The following CDO1 variants were observed in gnomAD, a reference collection of about 807,000 sequenced individuals.
The protein encoded by CDO1 is cysteine dioxygenase, type I.
CDO1 carries 19 observed loss-of-function variants against 24.5 expected under a neutral mutation model. The observed-to-expected ratio is 0.77, with a 90% CI of 0.54 to 1.14. CDO1 has a LOEUF of 1.14. Among genes scored for constraint, CDO1 ranks in the 50% most tolerant of loss-of-function variants. The pLI, the probability that CDO1 is intolerant of heterozygous loss-of-function variation, is 0.00. For missense variants in CDO1, 244 were observed against 244.8 expected (o/e 1.00, Z 0.02); for synonymous variants, 91 against 87.0 (o/e 1.05, Z -0.26).
chr5:115,816,513 A>G lies in CDO1; in HGVS notation c.-116T>C, dbSNP rs1299827750. The G allele has an allele frequency of 9.0e-7, 1 of 1,113,278 alleles. No homozygotes were observed. Among genetic ancestry groups the G allele is most frequent in the Non-Finnish European group, 1.3e-6 (1 of 761,158 alleles). 69.0% of individuals were successfully genotyped at this position (1,113,278 alleles called of 1,614,324 possible). ...CAGCCCGCTAGACCGCTAAGCAGAC[A>G]CACACGCACAAACCCAGCATTAGAG... On this transcript the variant is annotated 5_prime_UTR_variant, in exon 1 of 5. Coordinates refer to ENST00000250535, the MANE Select transcript of CDO1 (RefSeq NM_001801.3).
chr5:115,813,413 C>G (rs1003390806), intron 1 of CDO1, among the ~76,000 whole-genome samples, 155 bp from the exon 2 acceptor site: 1 of 152,148 alleles, frequency 6.6e-6, no homozygotes, highest in African/African-American at 2.4e-5. Flanking sequence ...AAATCCAACA[C>G]AAATGAAAAA....
At position 115,816,259 on chromosome 5, in the gene CDO1, A is replaced by T. The variant is rs1760438834; in HGVS notation, c.139T>A (p.Trp47Arg). Reference protein sequence around the residue: ...MEAYESDPTEWAMYAKFDQYR... With the variant: ...MEAYESDPTERAMYAKFDQYR... ...TGGTCGAACTTGGCGTACATTGCCCACTCGGTGGGGTCGCTCTCGTAGGCT... is the reference window on the plus strand; with the variant it reads ...TGGTCGAACTTGGCGTACATTGCCCTCTCGGTGGGGTCGCTCTCGTAGGCT... Residue 47 changes from tryptophan (W) to arginine (R), a missense_variant, in exon 1 of 5, where the codon TGG becomes AGG. Physicochemically the swap from Trp to Arg is moderately radical, Grantham distance 101 (BLOSUM62 -3). Transcript: ENST00000250535. 1 of 1,613,272 alleles carries T rather than the reference A, an allele frequency of 6.2e-7. No individual in the cohort carries two copies. The highest frequency in any genetic ancestry group is 8.5e-7 in the Non-Finnish European group (1 of 1,179,760).
intron 3 of CDO1, among the ~76,000 whole-genome samples, chr5:115,806,989 G>A (rs1358892445): frequency 1.3e-5 from 2 of 152,190 alleles, no homozygotes; most frequent in Admixed American, 6.5e-5. Flanking sequence ...GCTTGTTTAT[G>A]AAGTAGAGTC....
Position 115,805,395 on chromosome 5 carries a change from C to T in CDO1, c.*38G>A, listed in dbSNP as rs1250556620. Reference sequence around the variant, plus strand: ...CTTTTTGTCCAAGGCAAACATACAGCGAACCTTAAAGTAAAACCTCAGAGG... The same window carrying T: ...CTTTTTGTCCAAGGCAAACATACAGTGAACCTTAAAGTAAAACCTCAGAGG... On this transcript the variant is annotated 3_prime_UTR_variant, in exon 5 of 5. Transcript: ENST00000250535. 63 of 1,600,654 alleles carry T rather than the reference C, an allele frequency of 3.9e-5. No homozygotes were observed. The highest frequency in any genetic ancestry group is 5.0e-5 in the Non-Finnish European group (59 of 1,170,564).
rs200935045 is a variant in CDO1, at chr5:115,806,452, T to C, written c.470A>G (p.Tyr157Cys). The C allele has an allele frequency of 3.1e-6, 5 of 1,612,148 alleles. No individual in the cohort carries two copies. Among genetic ancestry groups the C allele is most frequent in the Non-Finnish European group, 4.2e-6 (5 of 1,179,282 alleles). The change falls in exon 4 of 5, where the codon TAC becomes TGC. Residue 157 changes from tyrosine (Y) to cysteine (C), a missense_variant. Coordinates refer to ENST00000250535, the MANE Select transcript of CDO1 (RefSeq NM_001801.3). The stretch of plus-strand genomic sequence containing the variant: ...ATGGCATGTATCAAAAGGTGGACTG[T>C]ACAAGTGAAGGCTCACAGCAGGTTC... ...HTEPAVSLHL[Y>C]SPPFDTCHAF...
intron 1 of CDO1, chr5:115,813,802 A>G (rs1332881295): frequency 6.5e-6 from 1 of 153,304 alleles, no homozygotes; most frequent in Non-Finnish European, 1.5e-5. Flanking sequence ...CTACCAGAAC[A>G]AAGAAGACTA....
Position 115,806,346 on chromosome 5 carries a change from C to A in CDO1, c.573+3G>T. 1 of 1,597,274 alleles carries A rather than the reference C, an allele frequency of 6.3e-7. No homozygotes were observed. Among genetic ancestry groups the A allele is most frequent in the South Asian group, 1.1e-5 (1 of 87,936 alleles). Reference sequence around the variant, plus strand: ...ATTTAAACCTAGAAGAAATTATACTCACATTTGGAGTTCTGATTCCAAATT... The same window carrying A: ...ATTTAAACCTAGAAGAAATTATACTAACATTTGGAGTTCTGATTCCAAATT... On this transcript the variant is annotated splice_donor_region_variant and intron_variant, in intron 4 of 4. Coordinates refer to ENST00000250535, the MANE Select transcript of CDO1 (RefSeq NM_001801.3).
intron 3 of CDO1, among the ~76,000 whole-genome samples, chr5:115,807,640 G>C (rs1424867036): frequency 8.2e-6 from 1 of 122,446 alleles, no homozygotes; most frequent in Non-Finnish European, 1.8e-5. Context: ...AAGACTCAAA[G>C]AACAAAAGGA....
intron 3 of CDO1, among the ~76,000 whole-genome samples, chr5:115,806,723 T>C (rs1759964343): frequency 6.6e-6 from 1 of 151,798 alleles, no homozygotes; most frequent in Non-Finnish European, 1.5e-5. Context: ...CCAATGGCAG[T>C]AAAAAAATAA....
At chr5:115,813,847 C>T (rs1760308747) in intron 1 of CDO1, 1 of 152,562 alleles carries the variant, frequency 6.6e-6, no homozygotes, top group African/African-American at 2.4e-5. Context: ...AAACCTCTTA[C>T]AATTAGGAGA....
At chr5:115,816,091 C>T in intron 1 of CDO1, 137 bp downstream of exon 1, 1 of 828,074 alleles carries the variant, frequency 1.2e-6, no homozygotes. Context: ...CGCGGCTGGC[C>T]AGCGAGGGGG....
chr5:115,805,158 G>C lies in CDO1; in HGVS notation c.*275C>G. ...AACCCTCACTGACGCTCCTAGTATGGATTTAATGGAATTAGAGGATAGAAC... is the reference window on the plus strand; with the variant it reads ...AACCCTCACTGACGCTCCTAGTATGCATTTAATGGAATTAGAGGATAGAAC... On this transcript the variant is annotated 3_prime_UTR_variant, in exon 5 of 5. Coordinates refer to ENST00000250535, the MANE Select transcript of CDO1 (RefSeq NM_001801.3). 5.4e-6 allele frequency: 2 copies of C among 368,454 alleles called. No individual in the cohort carries two copies. The highest frequency in any genetic ancestry group is 9.7e-6 in the Non-Finnish European group (2 of 207,014). The allele number at this position is 368,454 out of a possible 1,614,324, so 22.8% of individuals were successfully genotyped here.
Position 115,805,400 on chromosome 5 carries a change from CT to C in CDO1, c.*32del, listed in dbSNP as rs1561433628. On this transcript the variant is annotated 3_prime_UTR_variant, in exon 5 of 5. Transcript: ENST00000250535. Reference sequence around the variant, plus strand: ...TGTCCAAGGCAAACATACAGCGAACCTTAAAGTAAAACCTCAGAGGGTTTGG... The same window carrying C: ...TGTCCAAGGCAAACATACAGCGAACCTAAAGTAAAACCTCAGAGGGTTTGG... 6.2e-7 allele frequency: 1 copy of C among 1,608,548 alleles called. No individual in the cohort carries two copies. Among genetic ancestry groups the C allele is most frequent in the Non-Finnish European group, 8.5e-7 (1 of 1,176,520 alleles).
chr5:115,815,894 A>T (rs941243858), intron 1 of CDO1, among the ~76,000 whole-genome samples: 8 of 152,230 alleles, frequency 5.3e-5, no homozygotes, highest in Non-Finnish European at 1.2e-4. Flanking sequence ...GGCCAGGGGC[A>T]GGAGGACTGG....
chr5:115,810,701 A>G (rs1760149871), intron 3 of CDO1, among the ~76,000 whole-genome samples: 1 of 152,194 alleles, frequency 6.6e-6, no homozygotes, highest in Admixed American at 6.5e-5. Flanking sequence ...GATATGTATA[A>G]ATCACTGGCC....
chr5:115,813,987 C>T (rs1760314743), intron 1 of CDO1: 1 of 152,544 alleles, frequency 6.6e-6, no homozygotes, highest in South Asian at 2.1e-4. Flanking sequence ...GTCAAAGTTT[C>T]TATTGGTCCA....
In CDO1 at chr5:115,816,447, G is replaced by A. The variant is rs765942842; in HGVS notation, c.-50C>T. The A allele has an allele frequency of 5.0e-6, 8 of 1,598,252 alleles. No individual in the cohort carries two copies. Among genetic ancestry groups the A allele is most frequent in the Non-Finnish European group, 6.8e-6 (8 of 1,174,484 alleles). Reference sequence around the variant, plus strand: ...CGTCTCACTGCTGGGCTGCGGTGGAGGAGCTGAGCGAGCCAAGGAGCTGGG... The same window carrying A: ...CGTCTCACTGCTGGGCTGCGGTGGAAGAGCTGAGCGAGCCAAGGAGCTGGG... On this transcript the variant is annotated 5_prime_UTR_variant, in exon 1 of 5. Transcript: ENST00000250535.
chr5:115,809,774 C>T (rs1186039809), intron 3 of CDO1: 1 of 152,092 alleles, frequency 6.6e-6, no homozygotes, highest in Admixed American at 6.6e-5. Context: ...ATTAACATAT[C>T]CCACCGAATA....
chr5:115,811,284 A>G lies in CDO1; in HGVS notation c.280T>C (p.Phe94Leu). 6.2e-7 allele frequency: 1 copy of G among 1,613,314 alleles called. No homozygotes were observed. The highest frequency in any genetic ancestry group is 1.3e-5 in the African/African-American group (1 of 75,006). The change falls in exon 3 of 5, where the codon TTT becomes CTT. Residue 94 changes from phenylalanine (F) to leucine (L), a missense_variant. Transcript: ENST00000250535. Reference sequence around the variant, plus strand: ...AGATTTCCCTGTAGCATCTTCAGAAAGCAGTGGGAGTTGGTATGATCATGA... The same window carrying G: ...AGATTTCCCTGTAGCATCTTCAGAAGGCAGTGGGAGTTGGTATGATCATGA... ...SIHDHTNSHC[F>L]LKMLQGNLKE...
Sources: allele counts gnomAD v4.1 joint callset (sites outside exome capture counted in the v4.1 genomes callset), GRCh38; gene constraint gnomAD v4.1.1; transcripts MANE v1.5; gene names NCBI Gene and HGNC (gene_info 2026-07-23, HGNC 2026-07-21).